DPP3: variants seen among roughly 807,000 people sequenced by gnomAD.
DPP3 encodes the protein dipeptidyl peptidase 3.
A neutral mutation model predicts 89.8 loss-of-function variants in DPP3; 64 were observed. The ratio of observed to expected loss-of-function variants is 0.71; its 90% CI spans 0.58 to 0.88. The LOEUF is 0.88. DPP3 is among the 40% of genes least tolerant of loss of function. The pLI, the probability that DPP3 is intolerant of heterozygous loss-of-function variation, is 0.00. For synonymous variants in DPP3, 377 were observed against 404.3 expected (o/e 0.93, Z 0.81); for missense variants, 835 against 972.5 (o/e 0.86, Z 1.88).
rs992551690 is a variant in DPP3, at chr11:66,496,605, G to A, written c.1699-693G>A. 2.0e-5 allele frequency among the ~76,000 whole-genome samples: 3 copies of A among 152,064 alleles called. No individual in the cohort carries two copies. In the East Asian group the frequency reaches 5.8e-4, roughly 29 times the overall value. ...AATTTTTTGTATTTTTAGTAGAGAT[G>A]GGGTTTCACCGTGTTAGCCAGGATG... On this transcript the variant is annotated intron_variant, in intron 15 of 17. Coordinates refer to ENST00000531863, the MANE Select transcript of DPP3 (RefSeq NM_130443.4).
chr11:66,505,991 C>T (rs897884382), intron 17 of DPP3, among the ~76,000 whole-genome samples: 1 of 152,094 alleles, frequency 6.6e-6, no homozygotes, highest in Non-Finnish European at 1.5e-5. Context: ...ACTCTGTCGC[C>T]TAGGCTGGAG....
intron 6 of DPP3, 144 bp from the exon 7 acceptor site, chr11:66,491,109 T>C: frequency 7.9e-7 from 1 of 1,260,200 alleles, no homozygotes; most frequent in Non-Finnish European, 1.1e-6. Context: ...TGCTCATGTC[T>C]GTTGGCTACA....
intron 17 of DPP3, among the ~76,000 whole-genome samples, chr11:66,507,066 A>G (rs532346433): frequency 6.6e-6 from 1 of 150,796 alleles, no homozygotes; most frequent in East Asian, 2.0e-4. Context: ...CATGGACAAT[A>G]CTCTCAATTG....
chr11:66,509,589 T>C lies in DPP3; in HGVS notation c.*338T>C. ...GTGACAGCTAGGGTTCAAAACGTTCTCACCAAATCCAATGCTCCTCACATA... is the reference window on the plus strand; with the variant it reads ...GTGACAGCTAGGGTTCAAAACGTTCCCACCAAATCCAATGCTCCTCACATA... On this transcript the variant is annotated 3_prime_UTR_variant, in exon 18 of 18. Coordinates refer to ENST00000531863, the MANE Select transcript of DPP3 (RefSeq NM_130443.4). The C allele has an allele frequency of 1.5e-6, 1 of 681,678 alleles. No individual in the cohort carries two copies. The highest frequency in any genetic ancestry group is 2.8e-5 in the East Asian group (1 of 35,326). 42.2% of individuals were successfully genotyped at this position (681,678 alleles called of 1,614,324 possible).
intron 16 of DPP3, 82 bp from the exon 17 acceptor site, chr11:66,504,530 A>C: frequency 6.7e-7 from 1 of 1,481,540 alleles, no homozygotes; most frequent in Non-Finnish European, 9.0e-7. Context: ...AGGGCTGACC[A>C]CAATCAGCTG....
chr11:66,509,054 T>G (rs1253909921), intron 17 of DPP3, 25 bp from the exon 18 acceptor site: 5 of 1,611,636 alleles, frequency 3.1e-6, no homozygotes, highest in Non-Finnish European at 4.2e-6. Flanking sequence ...CTTTCCCTGC[T>G]GTTTTCTCTC....
intron 17 of DPP3, among the ~76,000 whole-genome samples, chr11:66,508,341 A>C (rs1855855102): frequency 6.6e-6 from 1 of 152,174 alleles, no homozygotes; most frequent in South Asian, 2.1e-4. Flanking sequence ...CACCCCCTCG[A>C]TGTGTGACTA....
At chr11:66,503,471 T>A (rs1855728105) in intron 16 of DPP3, among the ~76,000 whole-genome samples, 1 of 152,194 alleles carries the variant, frequency 6.6e-6, no homozygotes, top group Non-Finnish European at 1.5e-5. Context: ...TCAGAGTGGT[T>A]TAGTAACTTG....
intron 1 of DPP3, among the ~76,000 whole-genome samples, chr11:66,481,541 A>G (rs901007580): frequency 6.6e-6 from 1 of 152,190 alleles, no homozygotes; most frequent in African/African-American, 2.4e-5. Flanking sequence ...CTGGGAGCCT[A>G]GAGATGAGGA....
chr11:66,491,666 C>G (rs1565269826), intron 8 of DPP3, 32 bp from the exon 9 acceptor site: 2 of 1,609,606 alleles, frequency 1.2e-6, no homozygotes, highest in South Asian at 1.1e-5. Context: ...TCCTGCCTGC[C>G]CCTCCTCCAC....
At position 66,495,708 on chromosome 11, in the gene DPP3, C is replaced by G. The variant is rs767656780; in HGVS notation, c.1656C>G (p.Leu552=). The G allele has an allele frequency of 2.5e-6, 4 of 1,612,750 alleles. No individual in the cohort carries two copies. Among genetic ancestry groups the G allele is most frequent in the Non-Finnish European group, 3.4e-6 (4 of 1,179,624 alleles). ...TCAACATGGTTCGGGCCGGGCTGCT[C>G]GCTCTGGAGTTCTACACACCTGAGG... is the stretch of plus-strand genomic sequence containing the variant. ...NWLNMVRAGL[L]ALEFYTPEAF... Residue 552 remains leucine, a synonymous_variant, in exon 15 of 18, where the codon CTC becomes CTG. Coordinates refer to ENST00000531863, the MANE Select transcript of DPP3 (RefSeq NM_130443.4).
intron 16 of DPP3, 65 bp downstream of exon 16, chr11:66,497,542 A>G (rs796929897): frequency 1.2e-5 from 19 of 1,542,736 alleles, no homozygotes; most frequent in South Asian, 1.1e-4. Context: ...GAGTGTTACC[A>G]GGCACGGAGA....
chr11:66,507,143 C>A (rs1353211898), intron 17 of DPP3, among the ~76,000 whole-genome samples: 1 of 152,006 alleles, frequency 6.6e-6, no homozygotes, highest in Non-Finnish European at 1.5e-5. Context: ...GATCACAGCT[C>A]ACTGGGGATG....
At position 66,491,280 on chromosome 11, in the gene DPP3, C is replaced by T; in HGVS notation, c.695C>T (p.Ser232Phe). The change falls in exon 7 of 18, where the codon TCC becomes TTC. Residue 232 changes from serine (S) to phenylalanine (F), a missense_variant. Coordinates refer to ENST00000531863, the MANE Select transcript of DPP3 (RefSeq NM_130443.4). ...CCTTCCCTGGACTCTGAGGTGACTTCCAAGCTGAAGAGCTATGAATTCCGG... is the reference window on the plus strand; with the variant it reads ...CCTTCCCTGGACTCTGAGGTGACTTTCAAGCTGAAGAGCTATGAATTCCGG... ...SEPSLDSEVTSKLKSYEFRGS... is the reference protein window; with the variant it reads ...SEPSLDSEVTFKLKSYEFRGS... The T allele has an allele frequency of 6.2e-7, 1 of 1,613,734 alleles. No homozygotes were observed. Among genetic ancestry groups the T allele is most frequent in the Non-Finnish European group, 8.5e-7 (1 of 1,179,946 alleles).
At chr11:66,497,154 G>C (rs751425101) in intron 15 of DPP3, 144 bp from the exon 16 acceptor site, 1 of 997,792 alleles carries the variant, frequency 1.0e-6, no homozygotes, top group South Asian at 1.7e-5. Flanking sequence ...CCGCAGGGTT[G>C]GGGAGAATGA....
Position 66,494,838 on chromosome 11 carries a change from G to A in DPP3, c.1390-368G>A, listed in dbSNP as rs563899438. Among the ~76,000 whole-genome samples, 38 of 152,332 alleles carry A rather than the reference G, an allele frequency of 2.5e-4. No homozygotes were observed. The East Asian group carries it at 4.8e-3, about 19-fold the overall frequency. On this transcript the variant is annotated intron_variant, in intron 12 of 17. Coordinates refer to ENST00000531863, the MANE Select transcript of DPP3 (RefSeq NM_130443.4). The stretch of plus-strand genomic sequence containing the variant: ...CCTCCTCTGGCAGTGCCAGGAGCCC[G>A]TGGTGGGCACAGCTGGGCTGTCTGG...
rs199921998 is a variant in DPP3, at chr11:66,482,280, C to T, written c.80C>T (p.Ser27Leu). The change falls in exon 2 of 18, where the codon TCA becomes TTA. Residue 27 changes from serine (S) to leucine (L), a missense_variant. Coordinates refer to ENST00000531863, the MANE Select transcript of DPP3 (RefSeq NM_130443.4). ...TGCCGTGAGGCCTTCCGCCTGCTGT[C>T]ACCCACAGAGCGCCTCTATGCCTAC... ...LDCREAFRLLSPTERLYAYHL... is the reference protein window; with the variant it reads ...LDCREAFRLLLPTERLYAYHL... 1.5e-5 allele frequency: 25 copies of T among 1,614,070 alleles called. No individual in the cohort carries two copies. Among genetic ancestry groups the T allele is most frequent in the Non-Finnish European group, 2.0e-5 (24 of 1,180,054 alleles).
At chr11:66,506,329 A>G (rs1855800698) in intron 17 of DPP3, among the ~76,000 whole-genome samples, 1 of 150,828 alleles carries the variant, frequency 6.6e-6, no homozygotes, top group Non-Finnish European at 1.5e-5. Flanking sequence ...ATCTTGGCCC[A>G]CTGCAATCTC....
chr11:66,495,308 G>T (rs763527390), intron 13 of DPP3, 40 bp downstream of exon 13: 2 of 1,613,766 alleles, frequency 1.2e-6, no homozygotes, highest in African/African-American at 2.7e-5. Flanking sequence ...TACTGGGAGG[G>T]TGGGCACAGG....
Sources: gnomAD v4.1 joint callset for allele counts (sites outside exome capture counted in the v4.1 genomes callset) on GRCh38, gnomAD v4.1.1 for gene constraint, MANE v1.5 for transcripts, NCBI Gene and HGNC (gene_info 2026-07-23, HGNC 2026-07-21) for gene names.